Variants in CEP135 observed in about 807,000 individuals in gnomAD.
The protein encoded by CEP135 is centrosomal protein of 135 kDa.
CEP135 carries 142 observed loss-of-function variants against 157.3 expected under a neutral mutation model. The observed-to-expected ratio is 0.90, with a 90% CI of 0.79 to 1.04. The LOEUF is 1.04. Among genes scored for constraint, CEP135 ranks in the 50% least tolerant of loss-of-function variants. CEP135 has a pLI of 0.00. For missense variants in CEP135, 1,317 were observed against 1,309.2 expected (o/e 1.01, Z -0.09); for synonymous variants, 396 against 439.8 (o/e 0.90, Z 1.25).
At chr4:55,970,226 T>C (rs1052509223) in intron 9 of CEP135, among the ~76,000 whole-genome samples, 4 of 152,138 alleles carry the variant, frequency 2.6e-5, no homozygotes, top group African/African-American at 4.8e-5. Flanking sequence ...CTAGTCACAT[T>C]TCTTGTTCTG....
At chr4:56,007,075 G>C (rs138067864) in intron 17 of CEP135, among the ~76,000 whole-genome samples, 1 of 151,802 alleles carries the variant, frequency 6.6e-6, no homozygotes, top group Admixed American at 6.6e-5. Context: ...TGTATTTTTA[G>C]TAGAGATGGC....
intron 5 of CEP135, among the ~76,000 whole-genome samples, 191 bp from the exon 6 acceptor site, chr4:55,959,491 T>A (rs1728611582): frequency 9.7e-6 from 1 of 102,838 alleles, no homozygotes; most frequent in African/African-American, 4.5e-5. Flanking sequence ...CAGTTTTAAA[T>A]CTTGTTACAA....
chr4:55,986,512 A>G (rs1729592815), intron 14 of CEP135, among the ~76,000 whole-genome samples: 1 of 152,224 alleles, frequency 6.6e-6, no homozygotes, highest in Non-Finnish European at 1.5e-5. Context: ...ACTGCACTCC[A>G]GTCTGGGTGA....
chr4:55,992,751 C>A (rs1389637062), intron 15 of CEP135, among the ~76,000 whole-genome samples: 1 of 152,130 alleles, frequency 6.6e-6, no homozygotes, highest in African/African-American at 2.4e-5. Flanking sequence ...GTTTAGATGA[C>A]TAATATGGGG....
At chr4:56,014,484 T>C (rs1253790022) in intron 21 of CEP135, among the ~76,000 whole-genome samples, 7 of 152,224 alleles carry the variant, frequency 4.6e-5, no homozygotes, top group Non-Finnish European at 8.8e-5. Context: ...GAAATATGAA[T>C]GTTTCCTCTG....
chr4:55,997,502 G>GCGGGT (rs1730015247), intron 15 of CEP135, among the ~76,000 whole-genome samples: 1 of 152,168 alleles, frequency 6.6e-6, no homozygotes, highest in Admixed American at 6.5e-5. Context: ...TAAGGTTTCT[G>GCGGGT]CGGGTCATTC....
chr4:55,970,707 C>T (rs1449432158), intron 9 of CEP135, among the ~76,000 whole-genome samples: 1 of 152,142 alleles, frequency 6.6e-6, no homozygotes, highest in African/African-American at 2.4e-5. Context: ...TCTAGTAATG[C>T]AAAATTCTAT....
chr4:55,963,076 C>T (rs912187059), intron 6 of CEP135, among the ~76,000 whole-genome samples: 6 of 152,156 alleles, frequency 3.9e-5, no homozygotes, highest in African/African-American at 1.4e-4. Context: ...AGTGCACATT[C>T]TGTATTCTTT....
At chr4:56,011,315 A>G (rs1399095942) in intron 19 of CEP135, 97 bp from the exon 20 acceptor site, 5 of 828,134 alleles carry the variant, frequency 6.0e-6, no homozygotes, top group East Asian at 5.5e-5. Flanking sequence ...GCCCTACTCT[A>G]TCTTATTCTC....
At chr4:56,012,677 T>C (rs1367198123) in intron 21 of CEP135, among the ~76,000 whole-genome samples, 2 of 152,226 alleles carry the variant, frequency 1.3e-5, no homozygotes, top group Non-Finnish European at 2.9e-5. Context: ...TAAGGTTTAC[T>C]TTACCTCAAG....
At chr4:55,953,341 C>T in intron 3 of CEP135, 66 bp downstream of exon 3, 3 of 1,183,522 alleles carry the variant, frequency 2.5e-6, no homozygotes, top group Non-Finnish European at 2.3e-6. Flanking sequence ...GAAGGAAAAG[C>T]TAACGTCTAA....
intron 14 of CEP135, among the ~76,000 whole-genome samples, chr4:55,989,002 G>A (rs1158608673): frequency 3.3e-5 from 5 of 151,824 alleles, no homozygotes; most frequent in African/African-American, 1.2e-4. Flanking sequence ...AACAGGGATT[G>A]GGAGAGACTG....
At position 55,988,074 on chromosome 4, in the gene CEP135, T is replaced by A. The variant is rs569025284; in HGVS notation, c.1857+2716T>A. Among the ~76,000 whole-genome samples, 4 of 152,266 alleles carry A rather than the reference T, an allele frequency of 2.6e-5. No individual in the cohort carries two copies. The South Asian group carries it at 8.3e-4, about 32-fold the overall frequency. On this transcript the variant is annotated intron_variant, in intron 14 of 25. Transcript: ENST00000257287. ...TTTACAGAATCTTTATAGGAAACATTATGCAACCATATTGAAAGTCATTAA... is the reference window on the plus strand; with the variant it reads ...TTTACAGAATCTTTATAGGAAACATAATGCAACCATATTGAAAGTCATTAA...
intron 11 of CEP135, 57 bp downstream of exon 11, chr4:55,975,026 G>C: frequency 1.6e-6 from 2 of 1,263,278 alleles, no homozygotes; most frequent in Non-Finnish European, 2.2e-6. Context: ...AATTTTTCTG[G>C]TTTATTATTA....
chr4:56,000,200 A>G (rs550493560), intron 17 of CEP135, among the ~76,000 whole-genome samples: 4 of 152,294 alleles, frequency 2.6e-5, no homozygotes, highest in African/African-American at 9.6e-5. Flanking sequence ...TAAATAAATA[A>G]ATAAATAAAA....
At chr4:55,964,174 T>C in intron 6 of CEP135, 100 bp from the exon 7 acceptor site, 1 of 1,152,088 alleles carries the variant, frequency 8.7e-7, no homozygotes, top group East Asian at 2.4e-5. Context: ...CTTGCATACA[T>C]TGGTACATAA....
intron 21 of CEP135, among the ~76,000 whole-genome samples, chr4:56,015,927 G>C (rs1236742217): frequency 6.6e-6 from 1 of 152,188 alleles, no homozygotes; most frequent in Non-Finnish European, 1.5e-5. Flanking sequence ...CCACCAGAAA[G>C]ATACGTTGAA....
chr4:55,981,887 T>C (rs1301401719), intron 13 of CEP135, among the ~76,000 whole-genome samples: 1 of 152,182 alleles, frequency 6.6e-6, no homozygotes, highest in Non-Finnish European at 1.5e-5. Context: ...AATACCCCAG[T>C]AAACCCATTG....
chr4:56,018,209 A>T (rs1018747277), intron 22 of CEP135, among the ~76,000 whole-genome samples: 1 of 152,008 alleles, frequency 6.6e-6, no homozygotes, highest in South Asian at 2.1e-4. Flanking sequence ...CAAACTCCCA[A>T]CCTCACGTGA....
Sources: allele counts gnomAD v4.1 joint callset (sites outside exome capture counted in the v4.1 genomes callset), GRCh38; gene constraint gnomAD v4.1.1; transcripts MANE v1.5; gene names NCBI Gene and HGNC (gene_info 2026-07-23, HGNC 2026-07-21).